ONECUT3: variants seen among roughly 807,000 people sequenced by gnomAD.
The protein encoded by ONECUT3 is one cut domain family member 3.
In ONECUT3, 11 loss-of-function variants were observed where a neutral mutation model predicts 16.8. That is an observed-to-expected ratio of 0.66 (90% CI 0.41 to 1.09). The LOEUF is 1.09. Among genes scored for constraint, ONECUT3 ranks in the 50% least tolerant of loss-of-function variants. The probability of loss-of-function intolerance (pLI) is 0.00; values close to 1 mark genes in which losing one functional copy is unlikely to be tolerated. For missense variants in ONECUT3, 637 were observed against 629.9 expected, an observed-to-expected ratio of 1.01 and a Z score of -0.12; for synonymous variants, 344 against 310.7, an observed-to-expected ratio of 1.11 and a Z score of -1.13.
chr19:1,754,341 G>C lies in ONECUT3; in HGVS notation c.679G>C (p.Ala227Pro). 9.4e-7 allele frequency: 1 copy of C among 1,069,026 alleles called. No individual in the cohort carries two copies. Among genetic ancestry groups the C allele is most frequent in the Non-Finnish European group, 1.1e-6 (1 of 885,228 alleles). The allele number at this position is 1,069,026 out of a possible 1,614,324, so 66.2% of individuals were successfully genotyped here. A position where few individuals can be genotyped will look rare whatever the true frequency, so the allele number is the denominator to read the frequency against. The change falls in exon 1 of 2, where the codon GCC (alanine) becomes CCC (proline). Residue 227 changes from alanine to proline, a missense_variant. This residue lies in a region of ONECUT3 where 419 missense variants were observed against 377.9 expected (regional missense o/e 1.11). Transcript: ENST00000382349. This position sits in a 1 kb window ranked among gnomAD's most constrained non-coding sequence, Gnocchi z 7.4. ...PPPPPPPPLA[A>P]YGPPGHLAGD... ...GCCGCCACCACCCCCGCCGCTGGCC[G>C]CCTACGGCCCGCCAGGCCACCTGGC...
chr19:1,780,774 C>G lies in ONECUT3; in HGVS notation c.*5329C>G, dbSNP rs959315338. ...GTGGCCCTGTCAGACCACGCAGGGG[C>G]TGGTTTTGGTGGAATGAGCTCAGCC... is the stretch of plus-strand genomic sequence containing the variant. On this transcript the variant is annotated 3_prime_UTR_variant, in exon 2 of 2. Coordinates refer to ENST00000382349, the MANE Select transcript of ONECUT3 (RefSeq NM_001080488.2). 1.2e-4 allele frequency: 19 copies of G among 152,226 alleles called. No individual in the cohort carries two copies. The highest frequency in any genetic ancestry group is 4.3e-4 in the African/African-American group (18 of 41,436). The allele number at this position is 152,226 out of a possible 1,614,324, so 9.4% of individuals were successfully genotyped here. A position where few individuals can be genotyped will look rare whatever the true frequency, so the allele number is the denominator to read the frequency against.
chr19:1,756,138 G>A (rs1352465425), intron 1 of ONECUT3, among the ~76,000 whole-genome samples: 1 of 152,098 alleles, frequency 6.6e-6, no homozygotes, highest in African/African-American at 2.4e-5. Context: ...AGAGGACAGC[G>A]GGGTGTCCTG....
Position 1,775,348 on chromosome 19 carries a change from T to C in ONECUT3, c.1388T>C (p.Met463Thr), listed in dbSNP as rs1348444482. ...LELNTVSNFF[M>T]NARRRCMNRW... ...CTCAACACCGTCAGCAACTTCTTCA[T>C]GAACGCGCGGCGCCGCTGCATGAAC... Residue 463 changes from methionine to threonine, a missense_variant, in exon 2 of 2, where the codon ATG becomes ACG. Coordinates refer to ENST00000382349, the MANE Select transcript of ONECUT3 (RefSeq NM_001080488.2). 6.4e-7 allele frequency: 1 copy of C among 1,567,554 alleles called. No individual in the cohort carries two copies. Among genetic ancestry groups the C allele is most frequent in the Admixed American group, 1.8e-5 (1 of 55,156 alleles).
intron 1 of ONECUT3, 27 bp from the exon 2 acceptor site, chr19:1,775,126 G>GCCCCCC: frequency 1.4e-5 from 16 of 1,143,878 alleles, no homozygotes; most frequent in East Asian, 2.9e-5. Flanking sequence ...TGTCCCGCTC[G>GCCCCCC]CCCGCCCGCC....
In ONECUT3 at chr19:1,778,865, A is replaced by AACACACACACACACACAC. The variant is rs1186684164; in HGVS notation, c.*3420_*3421insACACACACACACACACAC. ...CTGGATCCTTTTCAGATATCTTCGT[A>AACACACACACACACACAC]TCACACACACACACACACACACACA... On this transcript the variant is annotated 3_prime_UTR_variant, in exon 2 of 2. Coordinates refer to ENST00000382349, the MANE Select transcript of ONECUT3 (RefSeq NM_001080488.2). 1.1e-5 allele frequency: 1 copy of AACACACACACACACACAC among 92,112 alleles called. No homozygotes were observed. The highest frequency in any genetic ancestry group is 1.2e-4 in the Admixed American group (1 of 8,256). The allele number at this position is 92,112 out of a possible 1,614,324, so 5.7% of individuals were successfully genotyped here.
intron 1 of ONECUT3, among the ~76,000 whole-genome samples, chr19:1,765,279 G>A (rs1010024551): frequency 2.6e-5 from 4 of 152,174 alleles, no homozygotes; most frequent in Middle Eastern, 3.4e-3. Flanking sequence ...CTCTCCTGCC[G>A]TGCCGCCCCC....
At position 1,775,883 on chromosome 19, in the gene ONECUT3, C is replaced by A. The variant is rs949624109; in HGVS notation, c.*438C>A. 1 of 152,948 alleles carries A rather than the reference C, an allele frequency of 6.5e-6. No individual in the cohort carries two copies. Among genetic ancestry groups the A allele is most frequent in the African/African-American group, 2.4e-5 (1 of 41,432 alleles). The allele number at this position is 152,948 out of a possible 1,614,324, so 9.5% of individuals were successfully genotyped here. A position where few individuals can be genotyped will look rare whatever the true frequency, so the allele number is the denominator to read the frequency against. On this transcript the variant is annotated 3_prime_UTR_variant, in exon 2 of 2. Coordinates refer to ENST00000382349, the MANE Select transcript of ONECUT3 (RefSeq NM_001080488.2). ...CCCCTCCTCCGTCAGATCCCCTGCC[C>A]CACCGAGGGAGGTAGTAGAAAACTT...
At position 1,754,924 on chromosome 19, in the gene ONECUT3, G is replaced by A. The variant is rs1395115569; in HGVS notation, c.1192+70G>A. ...TGGACTCCCGAGCACCTAGCGGGGCGGCGGCCGATGCCCGGGGCCAGCGCC... is the reference window on the plus strand; with the variant it reads ...TGGACTCCCGAGCACCTAGCGGGGCAGCGGCCGATGCCCGGGGCCAGCGCC... On this transcript the variant is annotated intron_variant, in intron 1 of 1. Transcript: ENST00000382349. This position sits in a 1 kb window ranked among gnomAD's most constrained non-coding sequence, Gnocchi z 7.4. 3.5e-5 allele frequency: 45 copies of A among 1,285,196 alleles called. No homozygotes were observed. Among genetic ancestry groups the A allele is most frequent in the Non-Finnish European group, 4.4e-5 (45 of 1,014,410 alleles). 79.6% of individuals were successfully genotyped at this position (1,285,196 alleles called of 1,614,324 possible).
chr19:1,763,923 G>C (rs1160150420), intron 1 of ONECUT3, among the ~76,000 whole-genome samples: 1 of 151,968 alleles, frequency 6.6e-6, no homozygotes, highest in Non-Finnish European at 1.5e-5. Context: ...CCAATCGTTC[G>C]CGGTCACCAT....
At chr19:1,770,251 A>T (rs2068041737) in intron 1 of ONECUT3, among the ~76,000 whole-genome samples, 4 of 152,004 alleles carry the variant, frequency 2.6e-5, no homozygotes, top group African/African-American at 7.3e-5. Flanking sequence ...AAACATATAT[A>T]TATGTTTGTG....
rs57734759 is a variant in ONECUT3, at chr19:1,777,022, AAGAG to A, written c.*1592_*1595del. The stretch of plus-strand genomic sequence containing the variant: ...CACCCCTTCCCGAACCTGAGAGCGA[AAGAG>A]AGAGAGAGAGAGAGGGAGAGAGAGG... On this transcript the variant is annotated 3_prime_UTR_variant, in exon 2 of 2. Transcript: ENST00000382349. 3.7e-4 allele frequency: 50 copies of A among 136,452 alleles called. No individual in the cohort carries two copies. The highest frequency in any genetic ancestry group is 1.2e-3 in the African/African-American group (45 of 37,120). The allele number at this position is 136,452 out of a possible 1,614,324, so 8.5% of individuals were successfully genotyped here.
intron 1 of ONECUT3, 146 bp from the exon 2 acceptor site, chr19:1,775,007 G>C (rs538480127): frequency 7.0e-6 from 4 of 573,140 alleles, no homozygotes; most frequent in South Asian, 4.3e-5. Context: ...CTCTCCCTGG[G>C]ACCTTATGTG....
Position 1,766,982 on chromosome 19 carries a change from C to T in ONECUT3, c.1193-8171C>T, listed in dbSNP as rs1057113985. ...CCCCTGGGAGTCCCAGAGGAGGGGC[C>T]CCGGGCTCCGCTGCGGGGGGAGGGA... On this transcript the variant is annotated intron_variant, in intron 1 of 1. Transcript: ENST00000382349. The surrounding 1 kb of genome is among the most constrained non-coding windows in gnomAD (Gnocchi z 4.0). Among the ~76,000 whole-genome samples, 39 of 151,430 alleles carry T rather than the reference C, an allele frequency of 2.6e-4. No homozygotes were observed. Among genetic ancestry groups the T allele is most frequent in the African/African-American group, 9.2e-4 (38 of 41,204 alleles).
intron 1 of ONECUT3, among the ~76,000 whole-genome samples, chr19:1,761,797 T>C (rs1483608981): frequency 6.6e-6 from 1 of 152,192 alleles, no homozygotes; most frequent in Non-Finnish European, 1.5e-5. Context: ...CAGTTTTCCC[T>C]CTGCCAAGTA....
rs905783004 is a variant in ONECUT3, at chr19:1,755,699, G to A, written c.1192+845G>A. On this transcript the variant is annotated intron_variant, in intron 1 of 1. Coordinates refer to ENST00000382349, the MANE Select transcript of ONECUT3 (RefSeq NM_001080488.2). The surrounding 1 kb of genome is among the most constrained non-coding windows in gnomAD (Gnocchi z 7.5). ...TCTCTATGTTTTTCTCTTGCTCTCC[G>A]TTTTGCTCTTGTTCCTGCTCATTAT... 6.6e-6 allele frequency among the ~76,000 whole-genome samples: 1 copy of A among 152,160 alleles called. No individual in the cohort carries two copies. The highest frequency in any genetic ancestry group is 2.4e-5 in the African/African-American group (1 of 41,434).
In ONECUT3 at chr19:1,754,268, G is replaced by A; in HGVS notation, c.606G>A (p.Leu202=). The A allele has an allele frequency of 9.4e-7, 1 of 1,062,158 alleles. No individual in the cohort carries two copies. The allele number at this position is 1,062,158 out of a possible 1,614,324, so 65.8% of individuals were successfully genotyped here. ...CCATGGGGTCGCCGCTGTCGCCGCT[G>A]CCCAACGCGCTGCCGCCCGCGCTGC... The part of the protein sequence containing the change: ...LPAMGSPLSP[L]PNALPPALHG... Residue 202 remains leucine, a synonymous_variant, in exon 1 of 2, where the codon CTG becomes CTA. Transcript: ENST00000382349. The surrounding 1 kb of genome is among the most constrained non-coding windows in gnomAD (Gnocchi z 7.4).
intron 1 of ONECUT3, among the ~76,000 whole-genome samples, chr19:1,768,428 G>A (rs1435130116): frequency 6.6e-6 from 1 of 152,134 alleles, no homozygotes; most frequent in African/African-American, 2.4e-5. Context: ...GAGCTCAGGA[G>A]CCCAGGAAGG....
At position 1,778,912 on chromosome 19, in the gene ONECUT3, ACC is replaced by A. The variant is rs34660887; in HGVS notation, c.*3470_*3471del. The A allele has an allele frequency of 1.5e-5, 2 of 129,534 alleles. No homozygotes were observed. Among genetic ancestry groups the A allele is most frequent in the African/African-American group, 6.2e-5 (2 of 32,252 alleles). 8.0% of individuals were successfully genotyped at this position (129,534 alleles called of 1,614,324 possible). The stretch of plus-strand genomic sequence containing the variant: ...CACACACACACACACACACACACAC[ACC>A]CCTACCTGTTTCCGGACCCCACCCC... On this transcript the variant is annotated 3_prime_UTR_variant, in exon 2 of 2. Transcript: ENST00000382349.
In ONECUT3 at chr19:1,762,745, C is replaced by T. The variant is rs2067953099; in HGVS notation, c.1192+7891C>T. 6.6e-6 allele frequency among the ~76,000 whole-genome samples: 1 copy of T among 152,028 alleles called. No homozygotes were observed. The highest frequency in any genetic ancestry group is 6.6e-5 in the Admixed American group (1 of 15,262). On this transcript the variant is annotated intron_variant, in intron 1 of 1. Transcript: ENST00000382349. The surrounding 1 kb of genome is among the most constrained non-coding windows in gnomAD (Gnocchi z 4.4). ...CAGCAGGCACCCACCATCCCACCCCCGCATCCCACCCCAGGGGAAACCGCG... is the reference window on the plus strand; with the variant it reads ...CAGCAGGCACCCACCATCCCACCCCTGCATCCCACCCCAGGGGAAACCGCG...
Sources: allele counts gnomAD v4.1 joint callset (sites outside exome capture counted in the v4.1 genomes callset), GRCh38; gene constraint gnomAD v4.1.1; regional missense constraint gnomAD v4.1.1; non-coding constraint Gnocchi (gnomAD v3.1); transcripts MANE v1.5; gene names NCBI Gene and HGNC (gene_info 2026-07-23, HGNC 2026-07-21).